BRSK2: variants seen among roughly 807,000 people sequenced by gnomAD.
BRSK2 encodes serine/threonine-protein kinase BRSK2.
In BRSK2, 19 loss-of-function variants were observed where a neutral mutation model predicts 83.3. That is an observed-to-expected ratio of 0.23 (90% CI 0.16 to 0.33). The LOEUF is 0.33. Ranked by LOEUF, BRSK2 falls within the 10% of genes least tolerant of loss-of-function variation. The pLI is 1.00. For missense variants in BRSK2, 798 were observed against 1,042.3 expected (o/e 0.77, Z 3.23); for synonymous variants, 519 against 435.4 (o/e 1.19, Z -2.39).
rs926360650 is a variant in BRSK2, at chr11:1,390,965, A to G, written c.91+590A>G. 6.6e-6 allele frequency among the ~76,000 whole-genome samples: 1 copy of G among 152,070 alleles called. No homozygotes were observed. Among genetic ancestry groups the G allele is most frequent in the African/African-American group, 2.4e-5 (1 of 41,420 alleles). On this transcript the variant is annotated intron_variant, in intron 1 of 19. Transcript: ENST00000528841. The surrounding 1 kb of genome is among the most constrained non-coding windows in gnomAD (Gnocchi z 6.8). ...GGCGGGCGGAGCGTCTGTGACCTGC[A>G]TTCCCACGGGGCAGGGAGAGGCCAT...
chr11:1,460,461 C>A (rs112514854), intron 19 of BRSK2, 39 bp from the exon 20 acceptor site: 1 of 541,906 alleles, frequency 1.8e-6, no homozygotes, highest in Non-Finnish European at 2.3e-6. Context: ...TTCTTTTTTC[C>A]TTTTTTTTTT....
intron 1 of BRSK2, among the ~76,000 whole-genome samples, chr11:1,409,046 C>T: frequency 6.6e-6 from 1 of 151,734 alleles, no homozygotes; most frequent in Non-Finnish European, 1.5e-5. Context: ...GTGTGTCTGC[C>T]TGTACAGGGA....
intron 1 of BRSK2, among the ~76,000 whole-genome samples, chr11:1,422,048 T>G: frequency 6.6e-6 from 1 of 151,076 alleles, no homozygotes; most frequent in African/African-American, 2.4e-5. Flanking sequence ...GGGGGGAGGG[T>G]GGCGCCCGTG....
rs917127574 is a variant in BRSK2 at position 1,443,206 on chromosome 11, C to T, written c.564+67C>T. On this transcript the variant is annotated intron_variant, in intron 6 of 19. Transcript: ENST00000528841. ...TGGCGGGGACCTGACCCTGGTGGGA[C>T]CCCAGCCTGCCGCACCCCCAGGTGC... is the stretch of plus-strand genomic sequence containing the variant. 23 of 1,521,320 alleles carry T rather than the reference C, an allele frequency of 1.5e-5. No individual in the cohort carries two copies. The African/African-American group carries it at 2.6e-4, about 17-fold the overall frequency. The allele number at this position is 1,521,320 out of a possible 1,614,324, so 94.2% of individuals were successfully genotyped here. A position where few individuals can be genotyped will look rare whatever the true frequency, so the allele number is the denominator to read the frequency against.
intron 1 of BRSK2, among the ~76,000 whole-genome samples, chr11:1,394,059 A>G (rs1186881172): frequency 3.4e-5 from 4 of 118,030 alleles, no homozygotes; most frequent in African/African-American, 9.9e-5. Flanking sequence ...GGTCCTGGAG[A>G]TGGGTCCTGG....
chr11:1,406,552 C>T lies in BRSK2; in HGVS notation c.91+16177C>T, dbSNP rs184460034. Among the ~76,000 whole-genome samples the T allele has an allele frequency of 5.3e-5, 8 of 152,260 alleles. No homozygotes were observed. In the East Asian group the frequency reaches 9.7e-4, roughly 18 times the overall value. On this transcript the variant is annotated intron_variant, in intron 1 of 19. Coordinates refer to ENST00000528841, the MANE Select transcript of BRSK2 (RefSeq NM_001256627.2). ...AGAGCTCAGCAAATTGCATGGGGGG[C>T]GAGCGGAGCTGGTATTTGGCAACAC... is the stretch of plus-strand genomic sequence containing the variant.
chr11:1,413,853 G>T (rs1590375291), intron 1 of BRSK2, among the ~76,000 whole-genome samples: 1 of 152,318 alleles, frequency 6.6e-6, no homozygotes, highest in East Asian at 1.9e-4. Flanking sequence ...GAGCTCAGGT[G>T]AGGTCGGGTG....
intron 1 of BRSK2, among the ~76,000 whole-genome samples, chr11:1,426,390 C>G (rs1472023822): frequency 1.3e-5 from 2 of 152,124 alleles, no homozygotes; most frequent in Non-Finnish European, 2.9e-5. Flanking sequence ...ACGGCCCCTC[C>G]AGGGGAAAGA....
intron 12 of BRSK2, chr11:1,447,716 G>T (rs759230561): frequency 1.5e-6 from 2 of 1,325,570 alleles, no homozygotes; most frequent in Non-Finnish European, 2.1e-6. Flanking sequence ...GTTCTTACCC[G>T]GTGTGGCCCG....
At chr11:1,397,628 C>T (rs1448962820) in intron 1 of BRSK2, among the ~76,000 whole-genome samples, 1 of 152,210 alleles carries the variant, frequency 6.6e-6, no homozygotes, top group Non-Finnish European at 1.5e-5. Context: ...AGTGACAGCA[C>T]CACCCCCAGT....
At chr11:1,460,368 C>A in intron 19 of BRSK2, 132 bp from the exon 20 acceptor site, 1 of 1,060,286 alleles carries the variant, frequency 9.4e-7, no homozygotes, top group Non-Finnish European at 1.3e-6. Flanking sequence ...GGTTCTTTCC[C>A]TCGTCGAGGC....
chr11:1,456,923 C>T, intron 18 of BRSK2: 1 of 1,592,818 alleles, frequency 6.3e-7, no homozygotes, highest in South Asian at 1.1e-5. Context: ...CGCAGCCGCA[C>T]CACACTGAAA....
rs1421540281 is a variant in BRSK2 at position 1,390,203 on chromosome 11, T to G, written c.-82T>G. On this transcript the variant is annotated 5_prime_UTR_variant, in exon 1 of 20. Coordinates refer to ENST00000528841, the MANE Select transcript of BRSK2 (RefSeq NM_001256627.2). The surrounding 1 kb of genome is among the most constrained non-coding windows in gnomAD (Gnocchi z 6.8). ...CCGGCCGGGTCGGCGCGGACGGCAC[T>G]CGGCGGACGCGGGCGGACGCTGGGC... 1.8e-4 allele frequency: 140 copies of G among 770,400 alleles called. No homozygotes were observed. Among genetic ancestry groups the G allele is most frequent in the Non-Finnish European group, 2.1e-4 (136 of 637,604 alleles). The allele number at this position is 770,400 out of a possible 1,614,324, so 47.7% of individuals were successfully genotyped here.
At chr11:1,404,261 C>T (rs1304698662) in intron 1 of BRSK2, among the ~76,000 whole-genome samples, 1 of 152,202 alleles carries the variant, frequency 6.6e-6, no homozygotes, top group Non-Finnish European at 1.5e-5. Context: ...CAGGGCCTCA[C>T]TCCTCTGTGT....
intron 1 of BRSK2, among the ~76,000 whole-genome samples, chr11:1,421,011 G>T (rs1848587474): frequency 6.6e-6 from 1 of 152,188 alleles, no homozygotes; most frequent in Non-Finnish European, 1.5e-5. Flanking sequence ...TCTTTCATCT[G>T]GGTGCAGAGC....
chr11:1,426,817 C>A (rs1849288733), intron 1 of BRSK2, among the ~76,000 whole-genome samples: 1 of 151,934 alleles, frequency 6.6e-6, no homozygotes, highest in African/African-American at 2.4e-5. Context: ...AGCTCAGGAT[C>A]CCTCAGCCAA....
chr11:1,448,525 C>G (rs1320364115), intron 12 of BRSK2, among the ~76,000 whole-genome samples: 1 of 152,196 alleles, frequency 6.6e-6, no homozygotes, highest in African/African-American at 2.4e-5. Flanking sequence ...CCGGATAGGA[C>G]CAGGGCTCGG....
Position 1,450,687 on chromosome 11 carries a change from C to T in BRSK2, c.1388C>T (p.Thr463Met), listed in dbSNP as rs1455044354. ...AGCCCGGCTGGCACGCCCAACCCCA[C>T]GCCCCCGTCCAGCCCCAGCGTCGGA... ...KESPAGTPNP[T>M]PPSSPSVGGV... Residue 463 changes from threonine to methionine, a missense_variant, in exon 14 of 20, where the codon ACG becomes ATG. Thr to Met is a moderately conservative substitution (Grantham distance 81, BLOSUM62 -1). Around this residue, in one of 6 missense-constraint regions of BRSK2, gnomAD observed 455 missense variants for 455.2 expected, o/e 1.00. Coordinates refer to ENST00000528841, the MANE Select transcript of BRSK2 (RefSeq NM_001256627.2). 4.4e-6 allele frequency: 7 copies of T among 1,608,726 alleles called. No individual in the cohort carries two copies. The highest frequency in any genetic ancestry group is 1.7e-4 in the Middle Eastern group (1 of 6,042).
Position 1,460,733 on chromosome 11 carries a change from C to CT in BRSK2, c.*10_*11insT. The CT allele has an allele frequency of 1.9e-5, 2 of 103,392 alleles. No homozygotes were observed. The highest frequency in any genetic ancestry group is 1.3e-5 in the Non-Finnish European group (1 of 77,822). 6.4% of individuals were successfully genotyped at this position (103,392 alleles called of 1,614,324 possible). On this transcript the variant is annotated 3_prime_UTR_variant, in exon 20 of 20. Transcript: ENST00000528841. Reference sequence around the variant, plus strand: ...CCGCGAGCAGCCTTAGACACACTAGCCCCCCCCCCCAGCACAGCACTGACA... The same window carrying CT: ...CCGCGAGCAGCCTTAGACACACTAGCTCCCCCCCCCCAGCACAGCACTGACA...
Sources: allele counts gnomAD v4.1 joint callset (sites outside exome capture counted in the v4.1 genomes callset), GRCh38; gene constraint gnomAD v4.1.1; regional missense constraint gnomAD v4.1.1; non-coding constraint Gnocchi (gnomAD v3.1); transcripts MANE v1.5; gene names NCBI Gene and HGNC (gene_info 2026-07-23, HGNC 2026-07-21).